CSMD1: variants seen among roughly 807,000 people sequenced by gnomAD.
CSMD1 encodes the protein CUB and Sushi multiple domains 1, also known as CUB and sushi domain-containing protein 1.
A neutral mutation model predicts 417.5 loss-of-function variants in CSMD1; 213 were observed. That is an observed-to-expected ratio of 0.51 (90% CI 0.46 to 0.57). The LOEUF (loss-of-function observed/expected upper bound fraction) is 0.57. Ranked by LOEUF, CSMD1 falls within the 20% of genes least tolerant of loss-of-function variation. The pLI is 0.00. For missense variants in CSMD1, 6,923 were observed against 4,529.7 expected, an observed-to-expected ratio of 1.53 and a Z score of -15.17; for synonymous variants, 2,862 against 1,736.8, an observed-to-expected ratio of 1.65 and a Z score of -16.11.
chr8:3,083,612 A>T (rs1228162175), intron 49 of CSMD1, among the ~76,000 whole-genome samples: 28 of 10,676 alleles, frequency 2.6e-3, no homozygotes, highest in African/African-American at 7.3e-3. Context: ...CATAATTTTT[A>T]TATATATATA....
intron 22 of CSMD1, among the ~76,000 whole-genome samples, chr8:3,347,171 G>C (rs1177849024): frequency 6.6e-6 from 1 of 152,238 alleles, no homozygotes; most frequent in Non-Finnish European, 1.5e-5. Flanking sequence ...CATGTGGCCT[G>C]TGGGCCGCGG....
At chr8:4,307,510 T>C (rs904468671) in intron 3 of CSMD1, among the ~76,000 whole-genome samples, 2 of 152,198 alleles carry the variant, frequency 1.3e-5, no homozygotes, top group African/African-American at 4.8e-5. Context: ...TACCCTGTTA[T>C]GTCAACCATG....
Position 4,168,753 on chromosome 8 carries a change from A to C in CSMD1, c.416-136654T>G, listed in dbSNP as rs142968488. ...TTAGACCTCATTGGCTATTCAAGTT[A>C]GGCTTTATTTCTTTTCCTTACAATA... On this transcript the variant is annotated intron_variant, in intron 3 of 69. Coordinates refer to ENST00000635120, the MANE Select transcript of CSMD1 (RefSeq NM_033225.6). 4.3e-3 allele frequency among the ~76,000 whole-genome samples: 659 copies of C among 152,306 alleles called. 4 individuals carry two copies. The highest frequency in any genetic ancestry group is 0.014 in the African/African-American group (598 of 41,546).
At chr8:4,826,309 ATG>A (rs963878630) in intron 1 of CSMD1, among the ~76,000 whole-genome samples, 11 of 151,946 alleles carry the variant, frequency 7.2e-5, no homozygotes, top group East Asian at 1.9e-4. Context: ...GTGTGTATAT[ATG>A]TGTGTGTGTG....
rs577221696 is a variant in CSMD1, at chr8:4,663,811, T to G, written c.86-26253A>C. ...AGTGCTGTAGCAGAGCGCCTCTGGT[T>G]CCAGGCAGAACAAATCCAGGATCGT... On this transcript the variant is annotated intron_variant, in intron 1 of 69. Coordinates refer to ENST00000635120, the MANE Select transcript of CSMD1 (RefSeq NM_033225.6). Among the ~76,000 whole-genome samples, 8 of 152,300 alleles carry G rather than the reference T, an allele frequency of 5.3e-5. 1 individual carries two copies. The South Asian group carries it at 1.7e-3, about 32-fold the overall frequency.
intron 3 of CSMD1, among the ~76,000 whole-genome samples, chr8:4,271,469 G>A (rs1046882188): frequency 6.6e-6 from 1 of 151,924 alleles, no homozygotes; most frequent in African/African-American, 2.4e-5. Context: ...TCACTGCAAT[G>A]CAATACATTT....
At chr8:3,351,836 A>G (rs1808446467) in intron 21 of CSMD1, among the ~76,000 whole-genome samples, 1 of 151,090 alleles carries the variant, frequency 6.6e-6, no homozygotes, top group Non-Finnish European at 1.5e-5. Flanking sequence ...ATATTTTAGT[A>G]CCTATATTTT....
intron 5 of CSMD1, among the ~76,000 whole-genome samples, chr8:3,969,032 C>G (rs2627459): frequency 6.6e-6 from 1 of 152,038 alleles, no homozygotes; most frequent in Non-Finnish European, 1.5e-5. Flanking sequence ...AGGTGGATCA[C>G]TTGAGTTCAG....
At chr8:4,572,458 G>C (rs902149160) in intron 2 of CSMD1, among the ~76,000 whole-genome samples, 20 of 152,126 alleles carry the variant, frequency 1.3e-4, no homozygotes, top group African/African-American at 4.8e-4. Flanking sequence ...ACTCTCTTCT[G>C]GCTAGTAGGG....
chr8:3,865,672 C>G (rs1476437250), intron 5 of CSMD1, among the ~76,000 whole-genome samples: 1 of 152,126 alleles, frequency 6.6e-6, no homozygotes, highest in East Asian at 1.9e-4. Context: ...CTGTTAAGTA[C>G]CAGGCACTGT....
chr8:3,758,199 G>C (rs567213417), intron 5 of CSMD1, among the ~76,000 whole-genome samples: 2 of 152,078 alleles, frequency 1.3e-5, no homozygotes. Context: ...CCTGACCTCA[G>C]GTGATCCAAC....
intron 10 of CSMD1, among the ~76,000 whole-genome samples, chr8:3,566,889 A>T (rs1799737626): frequency 6.6e-6 from 1 of 152,224 alleles, no homozygotes; most frequent in Non-Finnish European, 1.5e-5. Flanking sequence ...ACATCTAAAG[A>T]CAGAAATCCA....
rs1482618391 is a variant in CSMD1, at chr8:3,925,615, G to A, written c.818+72288C>T. Among the ~76,000 whole-genome samples, 5 of 152,124 alleles carry A rather than the reference G, an allele frequency of 3.3e-5. No individual in the cohort carries two copies. In the South Asian group the frequency reaches 1.0e-3, roughly 32 times the overall value. On this transcript the variant is annotated intron_variant, in intron 5 of 69. Coordinates refer to ENST00000635120, the MANE Select transcript of CSMD1 (RefSeq NM_033225.6). ...TCTTTCCCCTACTATTCTCGCAACA[G>A]TGAATAAGTCTCATGAGATCTGATG...
chr8:4,618,442 G>C (rs528480420), intron 2 of CSMD1, among the ~76,000 whole-genome samples: 2 of 152,186 alleles, frequency 1.3e-5, no homozygotes, highest in African/African-American at 4.8e-5. Flanking sequence ...CTCACGGAGT[G>C]CTGTTAGGGA....
At chr8:3,518,975 T>C (rs1563115230) in intron 10 of CSMD1, among the ~76,000 whole-genome samples, 1 of 152,208 alleles carries the variant, frequency 6.6e-6, no homozygotes, top group Non-Finnish European at 1.5e-5. Context: ...ATGTAGCACT[T>C]TTAAACTGAA....
chr8:4,102,640 T>A (rs548978344), intron 3 of CSMD1, among the ~76,000 whole-genome samples: 133 of 152,326 alleles, frequency 8.7e-4, no homozygotes, highest in African/African-American at 2.3e-3. Flanking sequence ...GCCTTTTAAA[T>A]GTTTTTTGCT....
intron 2 of CSMD1, among the ~76,000 whole-genome samples, chr8:4,480,772 C>T (rs956585871): frequency 6.6e-6 from 1 of 152,132 alleles, no homozygotes; most frequent in Admixed American, 6.6e-5. Flanking sequence ...ATGTTGAAGA[C>T]GAGGACTCAG....
intron 10 of CSMD1, among the ~76,000 whole-genome samples, chr8:3,525,095 T>C (rs1296391162): frequency 6.6e-6 from 1 of 152,172 alleles, no homozygotes; most frequent in Non-Finnish European, 1.5e-5. Context: ...TCTCTTATTT[T>C]TCAAGCTCAA....
intron 28 of CSMD1, among the ~76,000 whole-genome samples, chr8:3,219,670 A>T (rs1429035498): frequency 2.0e-5 from 3 of 152,180 alleles, no homozygotes; most frequent in Non-Finnish European, 2.9e-5. Flanking sequence ...CATCATGTTC[A>T]ATACAATATT....
Sources: allele counts gnomAD v4.1 joint callset (sites outside exome capture counted in the v4.1 genomes callset), GRCh38; gene constraint gnomAD v4.1.1; transcripts MANE v1.5; gene names NCBI Gene and HGNC (gene_info 2026-07-23, HGNC 2026-07-21).